The following LRRC8D variants were observed in gnomAD, a reference collection of about 807,000 sequenced individuals.
LRRC8D encodes volume-regulated anion channel subunit LRRC8D.
A neutral mutation model predicts 55.8 loss-of-function variants in LRRC8D; 20 were observed. The ratio of observed to expected loss-of-function variants is 0.36; its 90% CI spans 0.25 to 0.52. The LOEUF (loss-of-function observed/expected upper bound fraction) is 0.52. LRRC8D is among the 20% of genes least tolerant of loss of function. LRRC8D has a pLI of 0.93. For synonymous variants in LRRC8D, 352 were observed against 377.0 expected, an observed-to-expected ratio of 0.93 and a Z score of 0.77; for missense variants, 651 against 1,030.8, an observed-to-expected ratio of 0.63 and a Z score of 5.05.
At chr1:89,839,661 AG>A (rs1196216741) in intron 1 of LRRC8D, among the ~76,000 whole-genome samples, 1 of 152,210 alleles carries the variant, frequency 6.6e-6, no homozygotes, top group Non-Finnish European at 1.5e-5. Flanking sequence ...TGCAGAGACC[AG>A]GAAGTGAATG....
At chr1:89,895,732 AC>A (rs1662691085) in intron 2 of LRRC8D, among the ~76,000 whole-genome samples, 1 of 152,078 alleles carries the variant, frequency 6.6e-6, no homozygotes, top group Non-Finnish European at 1.5e-5. Context: ...TCTTGAAAGA[AC>A]TCTAAGAAGA....
chr1:89,848,171 G>C (rs1055407150), intron 2 of LRRC8D, among the ~76,000 whole-genome samples: 1 of 152,116 alleles, frequency 6.6e-6, no homozygotes, highest in Admixed American at 6.5e-5. Context: ...TGAGATCTTT[G>C]CAGTTAGTCA....
intron 2 of LRRC8D, among the ~76,000 whole-genome samples, chr1:89,921,760 T>C (rs1324950619): frequency 6.6e-6 from 1 of 152,164 alleles, no homozygotes; most frequent in African/African-American, 2.4e-5. Flanking sequence ...GTCAGGCTGG[T>C]CTTGAACTCC....
At chr1:89,915,273 C>T (rs1663237578) in intron 2 of LRRC8D, among the ~76,000 whole-genome samples, 4 of 152,112 alleles carry the variant, frequency 2.6e-5, no homozygotes, top group Admixed American at 6.5e-5. Context: ...TTATATATTT[C>T]TTAGCATTTG....
At chr1:89,897,661 T>A (rs997497326) in intron 2 of LRRC8D, among the ~76,000 whole-genome samples, 2 of 152,192 alleles carry the variant, frequency 1.3e-5, no homozygotes, top group African/African-American at 2.4e-5. Flanking sequence ...GCTTCTTGTG[T>A]TTTTCAGTTT....
rs146423228 is a variant in LRRC8D at position 89,852,312 on chromosome 1, C to T, written c.-3+8530C>T. Among the ~76,000 whole-genome samples, 263 of 152,272 alleles carry T rather than the reference C, an allele frequency of 1.7e-3. 1 individual carries two copies. Among genetic ancestry groups the T allele is most frequent in the African/African-American group, 5.8e-3 (240 of 41,542 alleles). On this transcript the variant is annotated intron_variant, in intron 2 of 2. Coordinates refer to ENST00000337338, the MANE Select transcript of LRRC8D (RefSeq NM_001134479.2). The stretch of plus-strand genomic sequence containing the variant: ...GGACTTTATCAGTATGGAAGTTCTC[C>T]ATTTCTCATTCAGATTCCTCTGTGC...
Position 89,921,833 on chromosome 1 carries a change from T to G in LRRC8D, c.-2-11234T>G, listed in dbSNP as rs147895316. On this transcript the variant is annotated intron_variant, in intron 2 of 2. Transcript: ENST00000337338. The stretch of plus-strand genomic sequence containing the variant: ...TGCTGGGATTACAAGCGTGAGCCAC[T>G]GCACCCGGCCAACTTTTAAAGTTTT... Among the ~76,000 whole-genome samples the G allele has an allele frequency of 7.2e-3, 1,099 of 152,196 alleles. 14 individuals carry two copies. Among genetic ancestry groups the G allele is most frequent in the African/African-American group, 0.025 (1,032 of 41,534 alleles).
intron 2 of LRRC8D, among the ~76,000 whole-genome samples, chr1:89,877,625 G>A (rs917118485): frequency 6.6e-6 from 1 of 152,048 alleles, no homozygotes; most frequent in Non-Finnish European, 1.5e-5. Flanking sequence ...TTCCTAAAAC[G>A]TGGCTAATGC....
chr1:89,930,176 T>TGA (rs1184229679), intron 2 of LRRC8D, among the ~76,000 whole-genome samples: 1 of 152,136 alleles, frequency 6.6e-6, no homozygotes, highest in Non-Finnish European at 1.5e-5. Context: ...ATGCCAGTGA[T>TGA]TAGTGCTCTG....
At chr1:89,932,169 G>A (rs1663719562) in intron 2 of LRRC8D, among the ~76,000 whole-genome samples, 1 of 152,192 alleles carries the variant, frequency 6.6e-6, no homozygotes, top group South Asian at 2.1e-4. Flanking sequence ...ACATTTTCAA[G>A]TTTCCTGGCA....
intron 2 of LRRC8D, among the ~76,000 whole-genome samples, chr1:89,914,133 A>G (rs1663197548): frequency 2.6e-5 from 4 of 152,220 alleles, no homozygotes; most frequent in South Asian, 4.1e-4. Context: ...TTATCTTGCT[A>G]TGTTATCCAC....
chr1:89,839,498 A>G (rs1038695957), intron 1 of LRRC8D, among the ~76,000 whole-genome samples: 8 of 152,114 alleles, frequency 5.3e-5, no homozygotes, highest in Middle Eastern at 3.2e-3. Context: ...TTTTTTTTAA[A>G]CATGATTTGC....
intron 1 of LRRC8D, among the ~76,000 whole-genome samples, chr1:89,823,760 C>T (rs922841468): frequency 1.3e-5 from 2 of 152,150 alleles, no homozygotes; most frequent in Non-Finnish European, 2.9e-5. Context: ...GCAGATAAGA[C>T]AGGCACACAT....
At chr1:89,916,122 A>T (rs1390859621) in intron 2 of LRRC8D, among the ~76,000 whole-genome samples, 2 of 152,232 alleles carry the variant, frequency 1.3e-5, no homozygotes, top group African/African-American at 4.8e-5. Context: ...GCAGGGGGAA[A>T]TGTTAGAAAT....
At chr1:89,839,160 A>G (rs1276429374) in intron 1 of LRRC8D, among the ~76,000 whole-genome samples, 2 of 152,348 alleles carry the variant, frequency 1.3e-5, no homozygotes, top group East Asian at 3.9e-4. Context: ...ATATCACTTA[A>G]CATCTGTGAG....
intron 2 of LRRC8D, among the ~76,000 whole-genome samples, chr1:89,906,093 G>A (rs147772551): frequency 4.0e-4 from 61 of 152,278 alleles, no homozygotes; most frequent in East Asian, 2.1e-3. Context: ...TGGGGCAGCC[G>A]CATTGTTCCC....
At chr1:89,913,195 G>C (rs1663176511) in intron 2 of LRRC8D, among the ~76,000 whole-genome samples, 1 of 152,192 alleles carries the variant, frequency 6.6e-6, no homozygotes, top group Non-Finnish European at 1.5e-5. Context: ...ACATCCTGTT[G>C]GTCCCTCCTC....
At chr1:89,856,858 T>G (rs1661568050) in intron 2 of LRRC8D, among the ~76,000 whole-genome samples, 1 of 152,232 alleles carries the variant, frequency 6.6e-6, no homozygotes, top group Non-Finnish European at 1.5e-5. Context: ...TTGCATATGC[T>G]CTGTTTCTCC....
chr1:89,893,593 T>A (rs1167906326), intron 2 of LRRC8D, among the ~76,000 whole-genome samples: 2 of 152,182 alleles, frequency 1.3e-5, no homozygotes, highest in African/African-American at 4.8e-5. Context: ...AAGCATACAT[T>A]TTTTCCCTGA....
Sources: gnomAD v4.1 joint callset for allele counts (sites outside exome capture counted in the v4.1 genomes callset) on GRCh38, gnomAD v4.1.1 for gene constraint, MANE v1.5 for transcripts, NCBI Gene and HGNC (gene_info 2026-07-23, HGNC 2026-07-21) for gene names.